The following PKNOX2 variants were observed in gnomAD, a reference collection of about 807,000 sequenced individuals.
The protein encoded by PKNOX2 is homeobox protein PKNOX2.
Under a neutral mutation model 53.1 loss-of-function variants are expected in PKNOX2, and 14 were observed. The ratio of observed to expected loss-of-function variants is 0.26; its 90% CI spans 0.17 to 0.41. The LOEUF is 0.41. Ranked by LOEUF, PKNOX2 falls within the 10% of genes least tolerant of loss-of-function variation. PKNOX2 has a pLI of 1.00. For synonymous variants in PKNOX2, 257 were observed against 242.8 expected, an observed-to-expected ratio of 1.06 and a Z score of -0.54; for missense variants, 496 against 602.8, an observed-to-expected ratio of 0.82 and a Z score of 1.85.
intron 2 of PKNOX2, among the ~76,000 whole-genome samples, chr11:125,273,861 T>A (rs961414983): frequency 2.0e-5 from 3 of 152,220 alleles, no homozygotes; most frequent in Admixed American, 2.0e-4. Flanking sequence ...ATTTGACTAC[T>A]GTTGAGCTGT....
intron 5 of PKNOX2, among the ~76,000 whole-genome samples, chr11:125,377,517 C>A (rs754241005): frequency 6.6e-6 from 1 of 152,146 alleles, no homozygotes; most frequent in East Asian, 1.9e-4. Flanking sequence ...GAGCAAAGGG[C>A]AAAGATGGGC....
chr11:125,314,205 T>C (rs1326086529), intron 2 of PKNOX2, among the ~76,000 whole-genome samples: 1 of 152,078 alleles, frequency 6.6e-6, no homozygotes, highest in African/African-American at 2.4e-5. Context: ...GTTGGTGTCA[T>C]GGTCAGCTCG....
At chr11:125,330,665 C>A (rs2136106092) in intron 2 of PKNOX2, among the ~76,000 whole-genome samples, 1 of 151,982 alleles carries the variant, frequency 6.6e-6, no homozygotes, top group East Asian at 1.9e-4. Flanking sequence ...TCTCTGCCAC[C>A]CTCACCTCCC....
chr11:125,233,470 G>A (rs1359108519), intron 1 of PKNOX2, among the ~76,000 whole-genome samples: 3 of 152,218 alleles, frequency 2.0e-5, no homozygotes, highest in Non-Finnish European at 4.4e-5. Context: ...GGAATGATGA[G>A]AGTCCACCAT....
intron 6 of PKNOX2, among the ~76,000 whole-genome samples, chr11:125,390,842 G>T (rs1591553488): frequency 6.6e-6 from 1 of 152,238 alleles, no homozygotes; most frequent in Non-Finnish European, 1.5e-5. Flanking sequence ...TGTCTTGCGT[G>T]ATGGTTTCCA....
At chr11:125,282,816 C>T (rs1423163113) in intron 2 of PKNOX2, among the ~76,000 whole-genome samples, 1 of 152,206 alleles carries the variant, frequency 6.6e-6, no homozygotes, top group African/African-American at 2.4e-5. Context: ...CAATTGAACA[C>T]TTAAAATGTG....
At chr11:125,396,995 T>C (rs867124002) in intron 6 of PKNOX2, among the ~76,000 whole-genome samples, 1 of 152,244 alleles carries the variant, frequency 6.6e-6, no homozygotes, top group Non-Finnish European at 1.5e-5. Flanking sequence ...AATCATTCTT[T>C]AAGGCGATTG....
At chr11:125,397,330 C>T (rs970811917) in intron 6 of PKNOX2, among the ~76,000 whole-genome samples, 2 of 152,190 alleles carry the variant, frequency 1.3e-5, no homozygotes, top group Non-Finnish European at 1.5e-5. Context: ...AATAGACAGT[C>T]CCTGAGCTCT....
rs920728662 is a variant in PKNOX2, at chr11:125,240,668, C to G, written c.-130+5553C>G. ...TTTTTTCTTTCTCTGTGGTGCCTGT[C>G]ACTTCCACCATTACCCATTCTCAGA... On this transcript the variant is annotated intron_variant, in intron 2 of 12. Transcript: ENST00000298282. This position sits in a 1 kb window ranked among gnomAD's most constrained non-coding sequence, Gnocchi z 4.3. Among the ~76,000 whole-genome samples, 1 of 152,152 alleles carries G rather than the reference C, an allele frequency of 6.6e-6. No individual in the cohort carries two copies. The highest frequency in any genetic ancestry group is 1.5e-5 in the Non-Finnish European group (1 of 68,046).
intron 2 of PKNOX2, among the ~76,000 whole-genome samples, chr11:125,251,408 C>T (rs569548894): frequency 7.2e-5 from 11 of 152,318 alleles, no homozygotes; most frequent in South Asian, 6.2e-4. Context: ...AATGTATTCT[C>T]AGCTCCAGCT....
intron 6 of PKNOX2, among the ~76,000 whole-genome samples, chr11:125,387,336 A>G (rs1041812698): frequency 1.4e-4 from 22 of 152,324 alleles, no homozygotes; most frequent in African/African-American, 5.3e-4. Context: ...GTAAGGAAAT[A>G]TCAAAAAGTA....
chr11:125,404,398 G>A (rs1466305403), intron 7 of PKNOX2, among the ~76,000 whole-genome samples: 1 of 152,230 alleles, frequency 6.6e-6, no homozygotes, highest in Non-Finnish European at 1.5e-5. Context: ...CCTTTCCCTT[G>A]AGACCAAGGC....
chr11:125,380,314 C>T (rs1358759104), intron 5 of PKNOX2, among the ~76,000 whole-genome samples: 1 of 152,130 alleles, frequency 6.6e-6, no homozygotes, highest in African/African-American at 2.4e-5. Flanking sequence ...ATTTGTTCTG[C>T]ACTGACGAGG....
At chr11:125,189,934 C>CT (rs34546583) in intron 1 of PKNOX2, 57,592 of 148,920 alleles carry the variant, frequency 0.39, 11,173 homozygotes, top group East Asian at 0.47. Flanking sequence ...TTCATTCTCT[C>CT]TTTTTTTTTT....
At chr11:125,418,289 G>A (rs949238447) in intron 10 of PKNOX2, among the ~76,000 whole-genome samples, 9 of 152,112 alleles carry the variant, frequency 5.9e-5, no homozygotes, top group South Asian at 4.1e-4. Flanking sequence ...TTCATTCCAC[G>A]TTGTGGTTGA....
At chr11:125,230,789 C>A (rs1001223236) in intron 1 of PKNOX2, among the ~76,000 whole-genome samples, 1 of 152,100 alleles carries the variant, frequency 6.6e-6, no homozygotes, top group Non-Finnish European at 1.5e-5. Flanking sequence ...AGGCATTGCA[C>A]AAATGAGATG....
intron 1 of PKNOX2, among the ~76,000 whole-genome samples, chr11:125,195,643 C>T (rs993772484): frequency 6.6e-6 from 1 of 150,886 alleles, no homozygotes; most frequent in Admixed American, 6.6e-5. Flanking sequence ...GGTGAGCTGA[C>T]ACACTACTCA....
chr11:125,217,909 T>G (rs1289757781), intron 1 of PKNOX2, among the ~76,000 whole-genome samples: 1 of 152,180 alleles, frequency 6.6e-6, no homozygotes, highest in African/African-American at 2.4e-5. Context: ...AGCTAGTAAG[T>G]GGCTAGGAAC....
At chr11:125,277,657 G>A (rs563542141) in intron 2 of PKNOX2, 1 of 152,264 alleles carries the variant, frequency 6.6e-6, no homozygotes, top group South Asian at 2.1e-4. Flanking sequence ...TCCATATTTT[G>A]TACAAAAATA....
Sources: allele counts gnomAD v4.1 joint callset (sites outside exome capture counted in the v4.1 genomes callset), GRCh38; gene constraint gnomAD v4.1.1; non-coding constraint Gnocchi (gnomAD v3.1); transcripts MANE v1.5; gene names NCBI Gene and HGNC (gene_info 2026-07-23, HGNC 2026-07-21).